The following KSR2 variants were observed in gnomAD, a reference collection of about 807,000 sequenced individuals.
The protein encoded by KSR2 is kinase suppressor of ras 2.
In KSR2, 25 loss-of-function variants were observed where a neutral mutation model predicts 107.8. The ratio of observed to expected loss-of-function variants is 0.23; its 90% CI spans 0.17 to 0.32. The LOEUF is 0.32. Among genes scored for constraint, KSR2 ranks in the 10% least tolerant of loss-of-function variants. KSR2 has a pLI of 1.00. For synonymous variants in KSR2, 480 were observed against 507.0 expected (o/e 0.95, Z 0.71); for missense variants, 887 against 1,268.9 (o/e 0.70, Z 4.57).
At chr12:117,965,124 G>A (rs1295498808) in intron 1 of KSR2, among the ~76,000 whole-genome samples, 1 of 152,222 alleles carries the variant, frequency 6.6e-6, no homozygotes, top group Non-Finnish European at 1.5e-5. Context: ...GCAAGGTGAG[G>A]AGGAAGAGAT....
At chr12:117,482,082 C>T (rs1872206322) in intron 16 of KSR2, among the ~76,000 whole-genome samples, 1 of 152,110 alleles carries the variant, frequency 6.6e-6, no homozygotes, top group South Asian at 2.1e-4. Flanking sequence ...TTGCAACGCA[C>T]TTGCTTTGGT....
intron 5 of KSR2, among the ~76,000 whole-genome samples, chr12:117,659,271 C>A (rs144402197): frequency 8.5e-5 from 13 of 152,264 alleles, no homozygotes; most frequent in African/African-American, 2.9e-4. Flanking sequence ...TGAAAGCAAT[C>A]ATAACAAAAG....
intron 14 of KSR2, among the ~76,000 whole-genome samples, chr12:117,516,150 C>A (rs1389824375): frequency 6.6e-6 from 1 of 152,108 alleles, no homozygotes; most frequent in Non-Finnish European, 1.5e-5. Context: ...CTCAGGCAAC[C>A]CTCCTCTTTT....
intron 5 of KSR2, among the ~76,000 whole-genome samples, chr12:117,596,203 C>T (rs1438597164): frequency 2.6e-5 from 4 of 152,164 alleles, no homozygotes; most frequent in Admixed American, 1.3e-4. Flanking sequence ...GCGAAAGGCA[C>T]GTCTTACATG....
At chr12:117,863,703 A>G (rs1438237052) in intron 1 of KSR2, among the ~76,000 whole-genome samples, 1 of 152,176 alleles carries the variant, frequency 6.6e-6, no homozygotes, top group Admixed American at 6.5e-5. Flanking sequence ...TCTGGAGATC[A>G]AAAGTCCCAA....
chr12:117,671,089 C>G (rs1164843971), intron 4 of KSR2, among the ~76,000 whole-genome samples: 6 of 152,198 alleles, frequency 3.9e-5, no homozygotes, highest in Admixed American at 3.9e-4. Context: ...CCTTCTCACT[C>G]TTTGTATATG....
Position 117,860,297 on chromosome 12 carries a change from G to A in KSR2, c.315C>T (p.Val105=), listed in dbSNP as rs761993761. The A allele has an allele frequency of 1.2e-5, 19 of 1,610,186 alleles. No individual in the cohort carries two copies. The African/African-American group carries it at 2.3e-4, about 19-fold the overall frequency. Residue 105 remains valine, a synonymous_variant, in exon 2 of 20, where the codon GTC becomes GTT. Transcript: ENST00000339824. ...CAGGGGCCCCCCAGGTCACCTCCAG[G>A]ACCTCCTTGCGCACATCGACGATTC... ...WFRIVDVRKE[V]LEEISPGQLS... is the part of the protein sequence containing the mutation.
rs186267289 is a variant in KSR2, at chr12:117,719,832, T to C, written c.986+41179A>G. ...CTAAGCCTCCTTCAAACATTGGTCT[T>C]GTATGACTATATGAACAGAGTCTGA... On this transcript the variant is annotated intron_variant, in intron 4 of 19. Transcript: ENST00000339824. Among the ~76,000 whole-genome samples the C allele has an allele frequency of 2.6e-5, 4 of 152,350 alleles. No individual in the cohort carries two copies. The East Asian group carries it at 7.7e-4, about 29-fold the overall frequency.
chr12:117,833,025 G>A (rs1324638922), intron 3 of KSR2, among the ~76,000 whole-genome samples: 2 of 152,102 alleles, frequency 1.3e-5, no homozygotes, highest in African/African-American at 2.4e-5. Context: ...CAGAGCCTTC[G>A]TGGGGCGGGG....
rs74541538 is a variant in KSR2, at chr12:117,529,990, C to T, written c.1802+951G>A. ...GAACCGTGATTGCACCACTGCATTG[C>T]AGCCTGGGTGACAGAGTGAGACTCT... On this transcript the variant is annotated intron_variant, in intron 12 of 19. Coordinates refer to ENST00000339824, the MANE Select transcript of KSR2 (RefSeq NM_173598.6). Among the ~76,000 whole-genome samples the T allele has an allele frequency of 8.4e-3, 1,284 of 152,282 alleles. 23 individuals carry two copies. Among genetic ancestry groups the T allele is most frequent in the African/African-American group, 0.03 (1,242 of 41,552 alleles).
intron 4 of KSR2, among the ~76,000 whole-genome samples, chr12:117,724,858 G>A (rs182862297): frequency 2.6e-5 from 4 of 151,906 alleles, no homozygotes; most frequent in East Asian, 1.9e-4. Context: ...GGAAGACTTC[G>A]GGTGGGAGGG....
intron 5 of KSR2, among the ~76,000 whole-genome samples, chr12:117,607,125 C>T (rs548181723): frequency 6.6e-6 from 1 of 152,250 alleles, no homozygotes; most frequent in South Asian, 2.1e-4. Flanking sequence ...TCTTCAAGGG[C>T]AAGGGACGTG....
chr12:117,731,843 C>A lies in KSR2; in HGVS notation c.986+29168G>T, dbSNP rs560766774. 1.0e-3 allele frequency among the ~76,000 whole-genome samples: 153 copies of A among 146,240 alleles called. 1 individual carries two copies. Among genetic ancestry groups the A allele is most frequent in the East Asian group, 7.0e-3 (35 of 5,004 alleles). ...AACAGATGCTTGAAGGCAGCATGCT[C>A]CTTAAGAGTCATCACCAATCCCTAA... On this transcript the variant is annotated intron_variant, in intron 4 of 19. Coordinates refer to ENST00000339824, the MANE Select transcript of KSR2 (RefSeq NM_173598.6).
chr12:117,549,106 T>C (rs1003795835), intron 9 of KSR2, among the ~76,000 whole-genome samples: 8 of 152,196 alleles, frequency 5.3e-5, no homozygotes, highest in African/African-American at 1.9e-4. Flanking sequence ...CCAACATTAG[T>C]AGAAAGGCAT....
intron 7 of KSR2, among the ~76,000 whole-genome samples, chr12:117,574,982 G>C (rs1021039821): frequency 4.6e-5 from 7 of 151,472 alleles, no homozygotes; most frequent in African/African-American, 1.7e-4. Flanking sequence ...AAATGACCCA[G>C]ATCACACACT....
intron 4 of KSR2, among the ~76,000 whole-genome samples, chr12:117,731,953 A>G (rs1354417452): frequency 6.8e-6 from 1 of 147,284 alleles, no homozygotes; most frequent in East Asian, 2.0e-4. Context: ...TCACATGTTT[A>G]TCTGCTGACC....
At chr12:117,634,607 G>T (rs1354547275) in intron 5 of KSR2, among the ~76,000 whole-genome samples, 1 of 152,104 alleles carries the variant, frequency 6.6e-6, no homozygotes, top group African/African-American at 2.4e-5. Flanking sequence ...GCCCTCTCGG[G>T]TGACACTCGC....
At chr12:117,710,514 A>AG (rs1210057699) in intron 4 of KSR2, among the ~76,000 whole-genome samples, 5 of 152,140 alleles carry the variant, frequency 3.3e-5, no homozygotes, top group Admixed American at 2.0e-4. Flanking sequence ...GTTGGAGCAG[A>AG]GGGTAAACAG....
intron 3 of KSR2, among the ~76,000 whole-genome samples, chr12:117,769,023 T>C (rs763916920): frequency 3.3e-5 from 5 of 152,034 alleles, no homozygotes; most frequent in African/African-American, 4.8e-5. Flanking sequence ...CAGAAGGAAA[T>C]TGGGCACAGA....
Sources: allele counts gnomAD v4.1 joint callset (sites outside exome capture counted in the v4.1 genomes callset), GRCh38; gene constraint gnomAD v4.1.1; transcripts MANE v1.5; gene names NCBI Gene and HGNC (gene_info 2026-07-23, HGNC 2026-07-21).